Variants in CALML4 observed in about 807,000 individuals in gnomAD.
The protein encoded by CALML4 is calmodulin-like protein 4.
In CALML4, 16 loss-of-function variants were observed where a neutral mutation model predicts 17.9. The observed-to-expected ratio is 0.89, with a 90% confidence interval of 0.61 to 1.36. CALML4 has a LOEUF of 1.36. Among genes scored for constraint, CALML4 ranks in the 40% most tolerant of loss-of-function variants. CALML4 has a pLI of 0.00. For synonymous variants in CALML4, 86 were observed against 71.5 expected (o/e 1.20, Z -1.02); for missense variants, 203 against 194.8 (o/e 1.04, Z -0.25).
chr15:68,201,494 G>T (rs1303599663), intron 2 of CALML4, among the ~76,000 whole-genome samples: 1 of 152,226 alleles, frequency 6.6e-6, no homozygotes, highest in Non-Finnish European at 1.5e-5. Context: ...TTGTCTTTCT[G>T]TCTGGGTTTG....
At chr15:68,194,384 CTTT>C (rs56240648) in intron 4 of CALML4, among the ~76,000 whole-genome samples, 71 of 141,068 alleles carry the variant, frequency 5.0e-4, no homozygotes, top group Admixed American at 7.1e-4. Context: ...CCACCGTGTG[CTTT>C]TTTTTTTTTT....
At chr15:68,201,400 C>T (rs761779894) in intron 2 of CALML4, among the ~76,000 whole-genome samples, 1 of 152,214 alleles carries the variant, frequency 6.6e-6, no homozygotes, top group Non-Finnish European at 1.5e-5. Context: ...GTCAGGGGGA[C>T]AGAGAGAGGG....
At position 68,197,223 on chromosome 15, in the gene CALML4, T is replaced by G. The variant is rs1177480071; in HGVS notation, c.364+217A>C. Among the ~76,000 whole-genome samples, 1 of 152,228 alleles carries G rather than the reference T, an allele frequency of 6.6e-6. No homozygotes were observed. Among genetic ancestry groups the G allele is most frequent in the Non-Finnish European group, 1.5e-5 (1 of 68,004 alleles). On this transcript the variant is annotated intron_variant, in intron 4 of 4. Transcript: ENST00000467889. This position sits in a 1 kb window ranked among gnomAD's most constrained non-coding sequence, Gnocchi z 4.1. The stretch of plus-strand genomic sequence containing the variant: ...GCTGGGTTTCCCCTAGGCTGTCCCT[T>G]CACCCTGGCAGACCTCCCTGCGCCC...
At chr15:68,196,053 ATTAT>A (rs933198064) in intron 4 of CALML4, among the ~76,000 whole-genome samples, 4 of 152,076 alleles carry the variant, frequency 2.6e-5, no homozygotes, top group Admixed American at 6.5e-5. Flanking sequence ...CTGTTGGGCG[ATTAT>A]TTATTTATGG....
Position 68,200,066 on chromosome 15 carries a change from A to ACTCCCAGGACAGTGCCC in CALML4, c.35-402_35-386dup, listed in dbSNP as rs2093160589. On this transcript the variant is annotated intron_variant, in intron 2 of 4. Coordinates refer to ENST00000467889, the MANE Select transcript of CALML4 (RefSeq NM_033429.3). This position sits in a 1 kb window ranked among gnomAD's most constrained non-coding sequence, Gnocchi z 4.3. ...CTCCCCGCCAACCCACAGGACTGGA[A>ACTCCCAGGACAGTGCCC]CTCCCAGGACAGTGCCCCTCCAGGG... 1.9e-5 allele frequency: 3 copies of ACTCCCAGGACAGTGCCC among 158,826 alleles called. No individual in the cohort carries two copies. The highest frequency in any genetic ancestry group is 4.1e-5 in the Non-Finnish European group (3 of 72,684). The allele number at this position is 158,826 out of a possible 1,614,324, so 9.8% of individuals were successfully genotyped here.
At position 68,198,618 on chromosome 15, in the gene CALML4, CATT is replaced by C. The variant is rs1488798252; in HGVS notation, c.175+920_175+922del. ...GATTATGAAAAGCTGTATGTGTTCT[CATT>C]GTTGAAAATACAGGAAACAATAAAA... On this transcript the variant is annotated intron_variant, in intron 3 of 4. Transcript: ENST00000467889. The C allele has an allele frequency of 5.9e-5, 9 of 152,316 alleles. No individual in the cohort carries two copies. The East Asian group carries it at 7.7e-4, about 13-fold the overall frequency. 9.4% of individuals were successfully genotyped at this position (152,316 alleles called of 1,614,324 possible). A position where few individuals can be genotyped will look rare whatever the true frequency, so the allele number is the denominator to read the frequency against.
At chr15:68,196,709 C>T (rs1274174038) in intron 4 of CALML4, among the ~76,000 whole-genome samples, 1 of 152,106 alleles carries the variant, frequency 6.6e-6, no homozygotes. Context: ...GTGGGGATCC[C>T]CTTGACAGTG....
chr15:68,199,404 C>T, intron 3 of CALML4, 137 bp downstream of exon 3: 1 of 945,680 alleles, frequency 1.1e-6, no homozygotes, highest in Non-Finnish European at 1.6e-6. Flanking sequence ...CACTCCTGGT[C>T]TGGGGCTGCC....
In CALML4 at chr15:68,204,303, G is replaced by A. The variant is rs556319631; in HGVS notation, c.34+818C>T. Among the ~76,000 whole-genome samples the A allele has an allele frequency of 1.3e-5, 2 of 152,290 alleles. No individual in the cohort carries two copies. The highest frequency in any genetic ancestry group is 4.8e-5 in the African/African-American group (2 of 41,550). On this transcript the variant is annotated intron_variant, in intron 2 of 4. Coordinates refer to ENST00000467889, the MANE Select transcript of CALML4 (RefSeq NM_033429.3). This position sits in a 1 kb window ranked among gnomAD's most constrained non-coding sequence, Gnocchi z 6.0. ...TGTAATTTTATCTCCAGTGGTCAGC[G>A]AAGGACTCACTGAGAAGGCGATGTT...
rs762870509 is a variant in CALML4, at chr15:68,197,568, T to G, written c.236A>C (p.Gln79Pro). The G allele has an allele frequency of 1.2e-6, 2 of 1,614,156 alleles. No homozygotes were observed. The highest frequency in any genetic ancestry group is 3.3e-5 in the Admixed American group (2 of 60,030). Residue 79 changes from glutamine (Q) to proline (P), a missense_variant, in exon 4 of 5, where the codon CAA becomes CCA. Coordinates refer to ENST00000467889, the MANE Select transcript of CALML4 (RefSeq NM_033429.3). This position sits in a 1 kb window ranked among gnomAD's most constrained non-coding sequence, Gnocchi z 4.1. ...AAGAATTTCTTTCTTTGGGTCTTCT[T>G]GTTTTATTTGCATGTGCATAATGGT... ...FLTIMHMQIK[Q>P]EDPKKEILLA...
In CALML4 at chr15:68,200,244, A is replaced by G. The variant is rs1163065030; in HGVS notation, c.35-563T>C. ...AGGCCTGCCAGAGAGTGGCCTTCAT[A>G]TGATGATATTATCATCATCATCAGA... On this transcript the variant is annotated intron_variant, in intron 2 of 4. Coordinates refer to ENST00000467889, the MANE Select transcript of CALML4 (RefSeq NM_033429.3). This position sits in a 1 kb window ranked among gnomAD's most constrained non-coding sequence, Gnocchi z 4.3. Among the ~76,000 whole-genome samples, 1 of 152,186 alleles carries G rather than the reference A, an allele frequency of 6.6e-6. No homozygotes were observed. Among genetic ancestry groups the G allele is most frequent in the Non-Finnish European group, 1.5e-5 (1 of 68,010 alleles).
chr15:68,194,401 TTA>T (rs1491304969), intron 4 of CALML4, among the ~76,000 whole-genome samples: 2 of 139,606 alleles, frequency 1.4e-5, no homozygotes, highest in Admixed American at 7.1e-5. Flanking sequence ...TTTTTTTTTT[TTA>T]AAACAGTTTC....
In CALML4 at chr15:68,199,570, A is replaced by C. The variant is rs1595811359; in HGVS notation, c.146T>G (p.Val49Gly). ...CLGASPTPGE[V>G]QRHLQTHGID... ...CCCGTGGGTCTGCAGGTGCCGCTGC[A>C]CCTCCCCTGGCGTCGGGCTGGCCCC... is the stretch of plus-strand genomic sequence containing the variant. Residue 49 changes from valine to glycine, a missense_variant, in exon 3 of 5, where the codon GTG (valine) becomes GGG (glycine). By Grantham distance (109) the Val-to-Gly change is moderately radical. Coordinates refer to ENST00000467889, the MANE Select transcript of CALML4 (RefSeq NM_033429.3). The C allele has an allele frequency of 6.2e-7, 1 of 1,612,074 alleles. No homozygotes were observed. The highest frequency in any genetic ancestry group is 8.5e-7 in the Non-Finnish European group (1 of 1,179,504).
chr15:68,192,128 C>G lies in CALML4; in HGVS notation c.*1887G>C, dbSNP rs1331176007. On this transcript the variant is annotated 3_prime_UTR_variant, in exon 5 of 5. Coordinates refer to ENST00000467889, the MANE Select transcript of CALML4 (RefSeq NM_033429.3). ...TGCCATCTAAATCATTGGTATCTATCTCCCATCTAATCTTTGGTATTCCAG... is the reference window on the plus strand; with the variant it reads ...TGCCATCTAAATCATTGGTATCTATGTCCCATCTAATCTTTGGTATTCCAG... 1.3e-5 allele frequency: 2 copies of G among 152,218 alleles called. No homozygotes were observed. Among genetic ancestry groups the G allele is most frequent in the Non-Finnish European group, 2.9e-5 (2 of 68,048 alleles). 9.4% of individuals were successfully genotyped at this position (152,218 alleles called of 1,614,324 possible).
At position 68,205,125 on chromosome 15, in the gene CALML4, A is replaced by G. The variant is rs766637640; in HGVS notation, c.30T>C (p.Ile10=). 4 of 1,613,880 alleles carry G rather than the reference A, an allele frequency of 2.5e-6. No individual in the cohort carries two copies. In the African/African-American group the frequency reaches 5.3e-5, roughly 22 times the overall value. ...CAAAGAACAAACCCAACCTACCATT[A>G]ATTTGGTCTTGGGAAAGAAACTTGG... The part of the protein sequence containing the change: MAKFLSQDQ[I]NEYKECFSLY... The change falls in exon 2 of 5, where the codon ATT becomes ATC. Residue 10 remains isoleucine, a synonymous_variant. Transcript: ENST00000467889. This position sits in a 1 kb window ranked among gnomAD's most constrained non-coding sequence, Gnocchi z 4.8.
rs893128135 is a variant in CALML4 at position 68,191,220 on chromosome 15, A to G, written c.*2795T>C. 1 of 152,690 alleles carries G rather than the reference A, an allele frequency of 6.5e-6. No homozygotes were observed. Among genetic ancestry groups the G allele is most frequent in the Non-Finnish European group, 1.5e-5 (1 of 68,044 alleles). The allele number at this position is 152,690 out of a possible 1,614,324, so 9.5% of individuals were successfully genotyped here. On this transcript the variant is annotated 3_prime_UTR_variant, in exon 5 of 5. Transcript: ENST00000467889. Reference sequence around the variant, plus strand: ...AAAATGTACATAAACAGATAAAGTTACCATAAATTCCATGAACTTAAATCT... The same window carrying G: ...AAAATGTACATAAACAGATAAAGTTGCCATAAATTCCATGAACTTAAATCT...
chr15:68,195,328 C>G lies in CALML4; in HGVS notation c.365-1216G>C, dbSNP rs2093139417. The stretch of plus-strand genomic sequence containing the variant: ...ACTATCCTTCTCGAAAGTATAATCA[C>G]CATGCCTTGGCCTAAGCTGATAGTA... On this transcript the variant is annotated intron_variant, in intron 4 of 4. Coordinates refer to ENST00000467889, the MANE Select transcript of CALML4 (RefSeq NM_033429.3). Among the ~76,000 whole-genome samples, 3 of 152,170 alleles carry G rather than the reference C, an allele frequency of 2.0e-5. No homozygotes were observed. In the South Asian group the frequency reaches 6.2e-4, roughly 31 times the overall value.
In CALML4 at chr15:68,192,024, A is replaced by G. The variant is rs1261886933; in HGVS notation, c.*1991T>C. 2 of 152,258 alleles carry G rather than the reference A, an allele frequency of 1.3e-5. No individual in the cohort carries two copies. Among genetic ancestry groups the G allele is most frequent in the Non-Finnish European group, 2.9e-5 (2 of 68,044 alleles). 9.4% of individuals were successfully genotyped at this position (152,258 alleles called of 1,614,324 possible). A position where few individuals can be genotyped will look rare whatever the true frequency, so the allele number is the denominator to read the frequency against. ...CTTGCTTTAAAACCATACTGGGACTATTCAGTGATAAATATAGACATAGAA... is the reference window on the plus strand; with the variant it reads ...CTTGCTTTAAAACCATACTGGGACTGTTCAGTGATAAATATAGACATAGAA... On this transcript the variant is annotated 3_prime_UTR_variant, in exon 5 of 5. Coordinates refer to ENST00000467889, the MANE Select transcript of CALML4 (RefSeq NM_033429.3).
rs2093149521 is a variant in CALML4 at position 68,197,507 on chromosome 15, A to G, written c.297T>C (p.Gly99=). Residue 99 remains glycine (G), a synonymous_variant, in exon 4 of 5, where the codon GGT becomes GGC. Transcript: ENST00000467889. This position sits in a 1 kb window ranked among gnomAD's most constrained non-coding sequence, Gnocchi z 4.1. ...AMLMVDKEKK[G]YVMASDLRSK... is the part of the protein sequence containing the mutation. ...ACCGCAGGTCGGACGCCATGACGTA[A>G]CCTTTCTTCTCCTTGTCCACCATCA... The G allele has an allele frequency of 6.2e-7, 1 of 1,614,038 alleles. No individual in the cohort carries two copies. Among genetic ancestry groups the G allele is most frequent in the Non-Finnish European group, 8.5e-7 (1 of 1,180,004 alleles).
Sources: allele counts gnomAD v4.1 joint callset (sites outside exome capture counted in the v4.1 genomes callset), GRCh38; gene constraint gnomAD v4.1.1; non-coding constraint Gnocchi (gnomAD v3.1); transcripts MANE v1.5; gene names NCBI Gene and HGNC (gene_info 2026-07-23, HGNC 2026-07-21).